Variants in PLPP3 observed in about 807,000 individuals in gnomAD.
PLPP3 encodes PAP2 beta.
PLPP3 carries 6 observed loss-of-function variants against 29.6 expected under a neutral mutation model. The observed-to-expected ratio is 0.20, with a 90% confidence interval of 0.11 to 0.40. PLPP3 has a LOEUF of 0.40. Among genes scored for constraint, PLPP3 ranks in the 10% least tolerant of loss-of-function variants. The probability of loss-of-function intolerance (pLI) is 1.00; values close to 1 mark genes in which losing one functional copy is unlikely to be tolerated. For synonymous variants in PLPP3, 152 were observed against 159.7 expected (o/e 0.95, Z 0.36); for missense variants, 308 against 407.7 (o/e 0.76, Z 2.11).
rs572170485 is a variant in PLPP3, at chr1:56,505,994, G to A, written c.810+5982C>T. 1.4e-4 allele frequency among the ~76,000 whole-genome samples: 22 copies of A among 152,312 alleles called. No homozygotes were observed. The South Asian group carries it at 4.3e-3, about 30-fold the overall frequency. The stretch of plus-strand genomic sequence containing the variant: ...CATCCATGTTTCTGCCTGCCTAAGA[G>A]TGGGGGCCAGCAGTGGCAAGATCAG... On this transcript the variant is annotated intron_variant, in intron 5 of 5. Coordinates refer to ENST00000371250, the MANE Select transcript of PLPP3 (RefSeq NM_003713.5).
intron 5 of PLPP3, among the ~76,000 whole-genome samples, chr1:56,511,136 A>G (rs1002235122): frequency 6.6e-6 from 1 of 152,110 alleles, no homozygotes; most frequent in South Asian, 2.1e-4. Flanking sequence ...TCCCCTCAGT[A>G]GGGCCCAGGA....
intron 1 of PLPP3, among the ~76,000 whole-genome samples, chr1:56,572,719 A>C (rs1292835042): frequency 6.6e-6 from 1 of 152,180 alleles, no homozygotes; most frequent in Admixed American, 6.5e-5. Flanking sequence ...GATTTTATAG[A>C]ACCATTGAGG....
At chr1:56,561,634 A>C (rs1003246158) in intron 1 of PLPP3, among the ~76,000 whole-genome samples, 1 of 152,110 alleles carries the variant, frequency 6.6e-6, no homozygotes, top group African/African-American at 2.4e-5. Context: ...ACTTTTTTTC[A>C]ATGAAAATTT....
chr1:56,551,050 T>A (rs1204540467), intron 1 of PLPP3, among the ~76,000 whole-genome samples: 1 of 151,966 alleles, frequency 6.6e-6, no homozygotes, highest in African/African-American at 2.4e-5. Flanking sequence ...CTCTCCACCC[T>A]CCCTCCCTGT....
chr1:56,494,924 T>C lies in PLPP3; in HGVS notation c.*1627A>G, dbSNP rs888850648. On this transcript the variant is annotated 3_prime_UTR_variant, in exon 6 of 6. Transcript: ENST00000371250. ...ACAATTTAATGTTTTTATACAGTTT[T>C]CTCTAGTTGCAGTTATTTCATTATA... The C allele has an allele frequency of 1.3e-5, 2 of 152,632 alleles. No individual in the cohort carries two copies. The highest frequency in any genetic ancestry group is 4.8e-5 in the African/African-American group (2 of 41,444). The allele number at this position is 152,632 out of a possible 1,614,324, so 9.5% of individuals were successfully genotyped here.
intron 5 of PLPP3, among the ~76,000 whole-genome samples, chr1:56,499,019 C>T (rs1191587859): frequency 6.6e-6 from 1 of 152,102 alleles, no homozygotes; most frequent in Non-Finnish European, 1.5e-5. Context: ...AGAGCTTTCT[C>T]CCAGAATCCA....
At position 56,546,044 on chromosome 1, in the gene PLPP3, A is replaced by T. The variant is rs1309744959; in HGVS notation, c.140-8932T>A. Among the ~76,000 whole-genome samples, 4 of 152,186 alleles carry T rather than the reference A, an allele frequency of 2.6e-5. 1 individual carries two copies. Among genetic ancestry groups the T allele is most frequent in the Admixed American group, 2.6e-4 (4 of 15,280 alleles). ...CCATGGCCAAATCTGGCCTGTAGAGATGTTCCGTTTGGCCTACCCAGGGTT... is the reference window on the plus strand; with the variant it reads ...CCATGGCCAAATCTGGCCTGTAGAGTTGTTCCGTTTGGCCTACCCAGGGTT... On this transcript the variant is annotated intron_variant, in intron 1 of 5. Coordinates refer to ENST00000371250, the MANE Select transcript of PLPP3 (RefSeq NM_003713.5).
Position 56,512,141 on chromosome 1 carries a change from C to T in PLPP3, c.645G>A (p.Gln215=), listed in dbSNP as rs756427754. Residue 215 remains glutamine, a synonymous_variant, in exon 5 of 6, where the codon CAG becomes CAA. Transcript: ENST00000371250. ...YTMLYLVLYL[Q]ARFTWRGARL... ...GGGCTCCTCGCCAAGTGAAGCGGGC[C>T]TGCAGGTATAGCTGGAGAAAGGAGA... The T allele has an allele frequency of 5.6e-6, 9 of 1,602,170 alleles. No individual in the cohort carries two copies. The highest frequency in any genetic ancestry group is 7.7e-6 in the Non-Finnish European group (9 of 1,176,214).
At chr1:56,503,232 G>A (rs950496732) in intron 5 of PLPP3, among the ~76,000 whole-genome samples, 3 of 152,098 alleles carry the variant, frequency 2.0e-5, no homozygotes, top group African/African-American at 7.2e-5. Flanking sequence ...ATGATGAGGT[G>A]GAAAAGAGTG....
intron 1 of PLPP3, among the ~76,000 whole-genome samples, chr1:56,544,697 C>G (rs1452880846): frequency 6.6e-6 from 1 of 152,200 alleles, no homozygotes; most frequent in Non-Finnish European, 1.5e-5. Flanking sequence ...AGAATTCATT[C>G]AGAGATGGGA....
intron 4 of PLPP3, among the ~76,000 whole-genome samples, chr1:56,521,234 CAAAAAAA>C (rs765448174): frequency 9.1e-5 from 5 of 54,782 alleles, no homozygotes; most frequent in Non-Finnish European, 1.5e-4. Flanking sequence ...GACTCTGTCT[CAAAAAAA>C]AAAAAAAAAA....
chr1:56,556,547 G>A (rs1473930277), intron 1 of PLPP3, among the ~76,000 whole-genome samples: 2 of 152,020 alleles, frequency 1.3e-5, no homozygotes, highest in East Asian at 3.9e-4. Context: ...CAAATCTTAG[G>A]TGGTATAGTT....
chr1:56,501,411 AGTACT>A (rs1196624095), intron 5 of PLPP3, among the ~76,000 whole-genome samples: 1 of 152,152 alleles, frequency 6.6e-6, no homozygotes, highest in Non-Finnish European at 1.5e-5. Flanking sequence ...AGTGGCATGT[AGTACT>A]GTATAGTGTT....
intron 1 of PLPP3, among the ~76,000 whole-genome samples, chr1:56,546,177 G>A (rs933425653): frequency 6.6e-6 from 1 of 152,152 alleles, no homozygotes; most frequent in Admixed American, 6.5e-5. Context: ...TAATAACAGC[G>A]GCTGCCTTCC....
At chr1:56,532,498 A>T (rs1055939460) in intron 2 of PLPP3, among the ~76,000 whole-genome samples, 2 of 152,100 alleles carry the variant, frequency 1.3e-5, no homozygotes, top group Non-Finnish European at 2.9e-5. Context: ...GGAACTAATG[A>T]AGTCCAGATG....
chr1:56,513,344 G>C (rs915945075), intron 4 of PLPP3: 1 of 152,610 alleles, frequency 6.6e-6, no homozygotes, highest in Non-Finnish European at 1.5e-5. Context: ...GGAAATGAGG[G>C]GGAAGAGGCA....
chr1:56,552,890 G>T (rs1488057180), intron 1 of PLPP3, among the ~76,000 whole-genome samples: 1 of 152,176 alleles, frequency 6.6e-6, no homozygotes, highest in Admixed American at 6.5e-5. Flanking sequence ...GAGGCCCTCT[G>T]TGCAGCAGAA....
intron 1 of PLPP3, among the ~76,000 whole-genome samples, chr1:56,555,035 A>T (rs1323229646): frequency 1.3e-5 from 2 of 152,190 alleles, no homozygotes; most frequent in Non-Finnish European, 2.9e-5. Context: ...ATCACAGTTC[A>T]AATGTTATTT....
At chr1:56,567,927 T>C (rs1363389208) in intron 1 of PLPP3, among the ~76,000 whole-genome samples, 2 of 152,212 alleles carry the variant, frequency 1.3e-5, no homozygotes, top group African/African-American at 4.8e-5. Context: ...AAATGAAATG[T>C]GTTATGTCTA....
Sources: allele counts gnomAD v4.1 joint callset (sites outside exome capture counted in the v4.1 genomes callset), GRCh38; gene constraint gnomAD v4.1.1; transcripts MANE v1.5; gene names NCBI Gene and HGNC (gene_info 2026-07-23, HGNC 2026-07-21).